The following CDK19 variants were observed in gnomAD, a reference collection of about 807,000 sequenced individuals.
CDK19 encodes the protein cyclin-dependent kinase 19.
CDK19 carries 20 observed loss-of-function variants against 68.3 expected under a neutral mutation model. The observed-to-expected ratio is 0.29, with a 90% CI of 0.21 to 0.43. The LOEUF (loss-of-function observed/expected upper bound fraction) is 0.43, where lower values mean the gene tolerates loss of function less well. CDK19 is among the 20% of genes least tolerant of loss of function. The probability of loss-of-function intolerance (pLI) is 1.00; values close to 1 mark genes in which losing one functional copy is unlikely to be tolerated. For synonymous variants in CDK19, 221 were observed against 222.8 expected (o/e 0.99, Z 0.07); for missense variants, 339 against 623.5 (o/e 0.54, Z 4.86).
rs149411957 is a variant in CDK19 at position 110,618,435 on chromosome 6, A to G, written c.1377+2669T>C. On this transcript the variant is annotated intron_variant, in intron 12 of 12. Coordinates refer to ENST00000368911, the MANE Select transcript of CDK19 (RefSeq NM_015076.5). ...GGCATGAGCCACTGTCCCCAGCCAGATTCTCTCTTGCGTATACCCACACTC... is the reference window on the plus strand; with the variant it reads ...GGCATGAGCCACTGTCCCCAGCCAGGTTCTCTCTTGCGTATACCCACACTC... 4.4e-3 allele frequency among the ~76,000 whole-genome samples: 672 copies of G among 152,182 alleles called. 8 individuals carry two copies. The highest frequency in any genetic ancestry group is 5.9e-3 in the Non-Finnish European group (401 of 67,946).
At chr6:110,699,556 A>C (rs1467167000) in intron 2 of CDK19, among the ~76,000 whole-genome samples, 1 of 152,048 alleles carries the variant, frequency 6.6e-6, no homozygotes, top group African/African-American at 2.4e-5. Context: ...AAGTGTTATA[A>C]TGGATATTGG....
chr6:110,641,649 G>GAAA, intron 4 of CDK19, among the ~76,000 whole-genome samples: 9 of 125,692 alleles, frequency 7.2e-5, no homozygotes, highest in African/African-American at 2.7e-4. Context: ...GGGAAAGAAA[G>GAAA]GAAGGAAGGA....
At chr6:110,685,728 T>C (rs1772420443) in intron 2 of CDK19, among the ~76,000 whole-genome samples, 1 of 152,228 alleles carries the variant, frequency 6.6e-6, no homozygotes, top group Admixed American at 6.5e-5. Context: ...AACTCCTAAA[T>C]AGACCATTCA....
chr6:110,776,525 G>C (rs567723499), intron 1 of CDK19, among the ~76,000 whole-genome samples: 52 of 152,132 alleles, frequency 3.4e-4, no homozygotes, highest in Non-Finnish European at 6.5e-4. Context: ...TCAAAAGTTT[G>C]AGCTGGCCAA....
intron 4 of CDK19, among the ~76,000 whole-genome samples, chr6:110,639,004 A>C (rs1779958052): frequency 6.6e-6 from 1 of 152,234 alleles, no homozygotes; most frequent in Admixed American, 6.5e-5. Flanking sequence ...AAAACTAATA[A>C]TAATTTTTAA....
At chr6:110,813,446 C>T in intron 1 of CDK19, 1 of 152,090 alleles carries the variant, frequency 6.6e-6, no homozygotes, top group East Asian at 1.9e-4. Flanking sequence ...GTGCTTTCCC[C>T]AAATATAACT....
chr6:110,673,617 A>C (rs185140907), intron 2 of CDK19, among the ~76,000 whole-genome samples: 1 of 152,258 alleles, frequency 6.6e-6, no homozygotes, highest in Non-Finnish European at 1.5e-5. Context: ...GGGTGAGGCA[A>C]TCAGAATACA....
intron 1 of CDK19, among the ~76,000 whole-genome samples, chr6:110,783,673 C>G (rs1366235531): frequency 2.7e-5 from 4 of 150,146 alleles, no homozygotes; most frequent in African/African-American, 9.8e-5. Flanking sequence ...ACTTCCAGAT[C>G]TAAATATAAG....
chr6:110,708,104 A>G (rs1445767825), intron 2 of CDK19, among the ~76,000 whole-genome samples: 1 of 152,208 alleles, frequency 6.6e-6, no homozygotes, highest in Non-Finnish European at 1.5e-5. Context: ...CCAAAAGAGG[A>G]AAGCGCTCTT....
chr6:110,646,624 A>G, intron 4 of CDK19: 1 of 598,244 alleles, frequency 1.7e-6, no homozygotes, highest in Non-Finnish European at 2.7e-6. Context: ...GGATTCGGAA[A>G]AGACAAAGTT....
At chr6:110,748,642 C>T (rs1778236973) in intron 1 of CDK19, among the ~76,000 whole-genome samples, 2 of 152,206 alleles carry the variant, frequency 1.3e-5, no homozygotes, top group African/African-American at 4.8e-5. Context: ...TGGCACTGTA[C>T]TACGTGAATG....
chr6:110,743,533 T>C (rs546677287), intron 2 of CDK19, among the ~76,000 whole-genome samples: 55 of 152,116 alleles, frequency 3.6e-4, no homozygotes, highest in African/African-American at 1.3e-3. Context: ...TCCCAGTTAT[T>C]TGGGAGGCTG....
chr6:110,814,501 C>A (rs1044707237), intron 1 of CDK19: 9 of 430,148 alleles, frequency 2.1e-5, no homozygotes, highest in Middle Eastern at 3.9e-4. Flanking sequence ...CCCAGCGGGT[C>A]AGAGCCGTGG....
chr6:110,686,617 A>T (rs915595554), intron 2 of CDK19, among the ~76,000 whole-genome samples: 18 of 152,244 alleles, frequency 1.2e-4, no homozygotes, highest in African/African-American at 4.1e-4. Context: ...CAGTACATGA[A>T]CTGGTTTTCA....
intron 4 of CDK19, chr6:110,646,694 A>G (rs1325868318): frequency 6.8e-6 from 3 of 442,776 alleles, no homozygotes; most frequent in Non-Finnish European, 1.2e-5. Flanking sequence ...AATTTCTGGA[A>G]TCTCGTTCAT....
chr6:110,667,118 G>A (rs998663875), intron 4 of CDK19, among the ~76,000 whole-genome samples: 10 of 152,050 alleles, frequency 6.6e-5, no homozygotes, highest in African/African-American at 2.4e-4. Flanking sequence ...GCAATAATAT[G>A]AAGAACAAAT....
intron 2 of CDK19, among the ~76,000 whole-genome samples, chr6:110,744,408 G>A (rs907414066): frequency 1.3e-4 from 20 of 152,072 alleles, no homozygotes; most frequent in African/African-American, 4.1e-4. Flanking sequence ...GGTGGCTCAC[G>A]CCTGCAATCC....
chr6:110,748,238 T>G (rs1023659679), intron 1 of CDK19, among the ~76,000 whole-genome samples: 4 of 152,296 alleles, frequency 2.6e-5, no homozygotes, highest in Admixed American at 2.6e-4. Flanking sequence ...AACTATAAGA[T>G]CTTTGCAGTA....
chr6:110,713,571 A>AT (rs1334789879), intron 2 of CDK19, among the ~76,000 whole-genome samples: 1 of 150,550 alleles, frequency 6.6e-6, no homozygotes, highest in Non-Finnish European at 1.5e-5. Flanking sequence ...TAATATTTTC[A>AT]TTTTTTGTAG....
Sources: gnomAD v4.1 joint callset for allele counts (sites outside exome capture counted in the v4.1 genomes callset) on GRCh38, gnomAD v4.1.1 for gene constraint, MANE v1.5 for transcripts, NCBI Gene and HGNC (gene_info 2026-07-23, HGNC 2026-07-21) for gene names.